Variants in INTS7 observed in about 807,000 individuals in gnomAD.
The protein encoded by INTS7 is chromosome 1 open reading frame 73.
A neutral mutation model predicts 109.2 loss-of-function variants in INTS7; 46 were observed. The ratio of observed to expected loss-of-function variants is 0.42; its 90% CI spans 0.33 to 0.54. The LOEUF is 0.54. Ranked by LOEUF, INTS7 falls within the 20% of genes least tolerant of loss-of-function variation. The probability of loss-of-function intolerance (pLI) is 0.07; values close to 1 mark genes in which losing one functional copy is unlikely to be tolerated. For synonymous variants in INTS7, 412 were observed against 402.9 expected (o/e 1.02, Z -0.27); for missense variants, 929 against 1,132.4 (o/e 0.82, Z 2.58).
rs1665642065 is a variant in INTS7, at chr1:212,000,996, AAAAC to A, written c.879+5639_879+5642del. Among the ~76,000 whole-genome samples the A allele has an allele frequency of 2.0e-5, 3 of 152,082 alleles. No individual in the cohort carries two copies. The South Asian group carries it at 6.2e-4, about 32-fold the overall frequency. ...AAACAAGTTTACTCCTCCGAGGATA[AAAAC>A]AAACAAACAGCATACCCTTTAGCAA... On this transcript the variant is annotated intron_variant, in intron 7 of 19. Coordinates refer to ENST00000366994, the MANE Select transcript of INTS7 (RefSeq NM_015434.4).
At chr1:211,944,634 T>C (rs1034300047) in intron 19 of INTS7, 150 bp downstream of exon 19, 5 of 641,296 alleles carry the variant, frequency 7.8e-6, no homozygotes, top group Non-Finnish European at 1.4e-5. Context: ...ATCAACCCCT[T>C]ACAGCCCCAA....
intron 16 of INTS7, 36 bp from the exon 17 acceptor site, chr1:211,952,737 A>C: frequency 6.3e-7 from 1 of 1,579,442 alleles, no homozygotes. Flanking sequence ...ATCCATCAAA[A>C]TAGCATGGCT....
At chr1:211,999,331 A>G (rs1231662227) in intron 7 of INTS7, among the ~76,000 whole-genome samples, 1 of 152,230 alleles carries the variant, frequency 6.6e-6, no homozygotes, top group Non-Finnish European at 1.5e-5. Context: ...ATAAATATTA[A>G]AAGTATTATG....
intron 4 of INTS7, 50 bp from the exon 5 acceptor site, chr1:212,011,471 T>C: frequency 8.6e-7 from 1 of 1,162,006 alleles, no homozygotes; most frequent in African/African-American, 1.5e-5. Flanking sequence ...TTGCTTATAT[T>C]TTCTAAGGAC....
chr1:211,982,197 GCAAGT>G (rs1432757656), intron 9 of INTS7, among the ~76,000 whole-genome samples: 7 of 152,192 alleles, frequency 4.6e-5, no homozygotes, highest in Non-Finnish European at 7.3e-5. Context: ...CCTTGATTAT[GCAAGT>G]CAGTTTAATG....
chr1:212,006,949 A>C (rs1665947550), intron 6 of INTS7, among the ~76,000 whole-genome samples, 188 bp from the exon 7 acceptor site: 1 of 151,710 alleles, frequency 6.6e-6, no homozygotes, highest in South Asian at 2.1e-4. Context: ...ATTTAACTTT[A>C]AAGTTTTAGC....
At chr1:211,977,941 TA>T (rs1664491404) in intron 11 of INTS7, among the ~76,000 whole-genome samples, 1 of 152,170 alleles carries the variant, frequency 6.6e-6, no homozygotes, top group African/African-American at 2.4e-5. Context: ...ATAAGAAAGA[TA>T]AAAATTTCAT....
chr1:212,031,697 A>G (rs2102508061), intron 1 of INTS7, among the ~76,000 whole-genome samples: 1 of 152,318 alleles, frequency 6.6e-6, no homozygotes, highest in East Asian at 1.9e-4. Context: ...TGGTCAGTAA[A>G]TATCTGTTGA....
At chr1:211,953,296 A>G (rs770066247) in intron 16 of INTS7, among the ~76,000 whole-genome samples, 1 of 152,088 alleles carries the variant, frequency 6.6e-6, no homozygotes, top group Non-Finnish European at 1.5e-5. Flanking sequence ...TTTAACCTAG[A>G]TTTCTTTCTT....
At chr1:212,018,354 T>C (rs182750160) in intron 3 of INTS7, among the ~76,000 whole-genome samples, 46 of 152,246 alleles carry the variant, frequency 3.0e-4, no homozygotes, top group African/African-American at 8.2e-4. Flanking sequence ...CAAAAGTCAA[T>C]TGCCATGACT....
chr1:211,978,157 A>T, intron 11 of INTS7, 115 bp downstream of exon 11: 2 of 1,201,634 alleles, frequency 1.7e-6, no homozygotes, highest in Non-Finnish European at 2.4e-6. Context: ...TAATGAATTT[A>T]ACCTATTGTT....
intron 2 of INTS7, 31 bp from the exon 3 acceptor site, chr1:212,020,299 T>G: frequency 3.7e-6 from 5 of 1,368,820 alleles, no homozygotes; most frequent in Non-Finnish European, 5.0e-6. Flanking sequence ...TTAGGTCACT[T>G]TAGAAAGTAA....
chr1:211,974,602 T>C (rs897514442), intron 13 of INTS7, among the ~76,000 whole-genome samples: 1 of 152,126 alleles, frequency 6.6e-6, no homozygotes, highest in Non-Finnish European at 1.5e-5. Flanking sequence ...TTTTAGGGAA[T>C]AGGTTCCTAC....
At chr1:211,990,064 G>A (rs73091075) in intron 7 of INTS7, among the ~76,000 whole-genome samples, 10,878 of 152,158 alleles carry the variant, frequency 0.071, 653 homozygotes, top group African/African-American at 0.16. Flanking sequence ...GTAAAATGGT[G>A]TAAATCTCTT....
intron 5 of INTS7, among the ~76,000 whole-genome samples, chr1:212,008,090 G>A (rs569052088): frequency 2.0e-5 from 3 of 152,280 alleles, no homozygotes; most frequent in East Asian, 3.9e-4. Context: ...CATGCCACAA[G>A]CTAATTATAC....
intron 13 of INTS7, 85 bp from the exon 14 acceptor site, chr1:211,968,792 G>A: frequency 2.0e-6 from 2 of 1,017,612 alleles, no homozygotes; most frequent in South Asian, 2.0e-5. Context: ...ATCAGTTTGT[G>A]GTCAAGTGCA....
intron 4 of INTS7, among the ~76,000 whole-genome samples, chr1:212,013,204 C>T (rs919185935): frequency 6.6e-6 from 1 of 152,126 alleles, no homozygotes; most frequent in African/African-American, 2.4e-5. Flanking sequence ...TGTGTCTTTT[C>T]TTTGAGGGGT....
Position 211,968,602 on chromosome 1 carries a change from G to A in INTS7, c.1921C>T (p.Leu641=). Residue 641 remains leucine, a synonymous_variant, in exon 14 of 20, where the codon CTG becomes TTG. Transcript: ENST00000366994. ...FSQLICTCNS[L]KTSPPPAIAT... is the part of the protein sequence containing the mutation. ...ATTGCAGGTGGTGGGCTTGTCTTCA[G>A]GCTATTACAAGTACAGATAAGTTGA... 6.2e-7 allele frequency: 1 copy of A among 1,613,892 alleles called. No individual in the cohort carries two copies. Among genetic ancestry groups the A allele is most frequent in the Non-Finnish European group, 8.5e-7 (1 of 1,179,962 alleles).
chr1:212,023,842 G>T (rs114032056), intron 1 of INTS7, among the ~76,000 whole-genome samples: 2 of 152,060 alleles, frequency 1.3e-5, no homozygotes, highest in Admixed American at 6.6e-5. Flanking sequence ...AGGATTCTTA[G>T]AGTTTGAGGT....
Sources: allele counts gnomAD v4.1 joint callset (sites outside exome capture counted in the v4.1 genomes callset), GRCh38; gene constraint gnomAD v4.1.1; transcripts MANE v1.5; gene names NCBI Gene and HGNC (gene_info 2026-07-23, HGNC 2026-07-21).